Variants in FAF1 observed in about 807,000 individuals in gnomAD.
FAF1 encodes the protein Fas associated factor 1.
A neutral mutation model predicts 92.5 loss-of-function variants in FAF1; 25 were observed. That is an observed-to-expected ratio of 0.27 (90% confidence interval 0.20 to 0.38). The LOEUF (loss-of-function observed/expected upper bound fraction) is 0.38, where lower values mean the gene tolerates loss of function less well. FAF1 is among the 10% of genes least tolerant of loss of function. The pLI, the probability that FAF1 is intolerant of heterozygous loss-of-function variation, is 1.00. For synonymous variants in FAF1, 234 were observed against 273.2 expected, an observed-to-expected ratio of 0.86 and a Z score of 1.42; for missense variants, 636 against 793.3, an observed-to-expected ratio of 0.80 and a Z score of 2.38.
intron 7 of FAF1, among the ~76,000 whole-genome samples, chr1:50,660,150 AT>A: frequency 6.6e-6 from 1 of 152,286 alleles, no homozygotes; most frequent in East Asian, 1.9e-4. Flanking sequence ...CTTTTGATTC[AT>A]TTAAATTTTC....
intron 18 of FAF1, among the ~76,000 whole-genome samples, chr1:50,455,156 G>A (rs1449940489): frequency 1.3e-5 from 2 of 152,200 alleles, no homozygotes; most frequent in African/African-American, 2.4e-5. Context: ...TGTCAGTTCT[G>A]CTACACAGAT....
intron 7 of FAF1, among the ~76,000 whole-genome samples, chr1:50,663,227 G>T (rs1238960778): frequency 6.6e-6 from 1 of 151,462 alleles, no homozygotes; most frequent in Non-Finnish European, 1.5e-5. Context: ...GGTTCTTAAA[G>T]AGGGTGGCTG....
At chr1:50,732,984 T>C (rs1658992721) in intron 6 of FAF1, among the ~76,000 whole-genome samples, 1 of 152,190 alleles carries the variant, frequency 6.6e-6, no homozygotes, top group Non-Finnish European at 1.5e-5. Flanking sequence ...TCAGTATTTC[T>C]AGCCTTCTTC....
intron 17 of FAF1, among the ~76,000 whole-genome samples, chr1:50,487,060 T>TACATAACTTGCCATTGTCAC (rs1646777462): frequency 6.6e-6 from 1 of 152,216 alleles, no homozygotes; most frequent in Admixed American, 6.5e-5. Context: ...GGAGCTGTCA[T>TACATAACTTGCCATTGTCAC]ACATAACTTG....
intron 1 of FAF1, among the ~76,000 whole-genome samples, chr1:50,946,114 G>A (rs1192972247): frequency 6.6e-6 from 1 of 152,212 alleles, no homozygotes; most frequent in East Asian, 1.9e-4. Flanking sequence ...CATCTCTCAG[G>A]CAAAGCAAAA....
At chr1:50,600,998 T>C (rs868483750) in intron 8 of FAF1, among the ~76,000 whole-genome samples, 1 of 152,172 alleles carries the variant, frequency 6.6e-6, no homozygotes, top group Non-Finnish European at 1.5e-5. Context: ...TCTTTACAAG[T>C]GCAAAAGGAT....
rs144232598 is a variant in FAF1 at position 50,846,742 on chromosome 1, T to C, written c.114+11187A>G. The stretch of plus-strand genomic sequence containing the variant: ...AACGTAGATGTGATTAGACCGAATA[T>C]TGTCAAACACCCTCTGACCCAGGAA... On this transcript the variant is annotated intron_variant, in intron 2 of 18. Transcript: ENST00000396153. 1.6e-4 allele frequency: 110 copies of C among 689,954 alleles called. 1 individual carries two copies. In the East Asian group the frequency reaches 3.7e-3, roughly 23 times the overall value. 42.7% of individuals were successfully genotyped at this position (689,954 alleles called of 1,614,324 possible).
intron 7 of FAF1, among the ~76,000 whole-genome samples, chr1:50,678,004 A>G (rs1021834669): frequency 1.3e-5 from 2 of 151,912 alleles, no homozygotes; most frequent in Non-Finnish European, 2.9e-5. Flanking sequence ...TGAGATATGT[A>G]GGCTAGAGGC....
intron 1 of FAF1, among the ~76,000 whole-genome samples, chr1:50,877,837 G>A (rs1345395827): frequency 6.6e-6 from 1 of 152,134 alleles, no homozygotes; most frequent in African/African-American, 2.4e-5. Flanking sequence ...TCAGAGACAA[G>A]GAGCCAGAGG....
At chr1:50,713,086 G>A (rs769384057) in intron 6 of FAF1, among the ~76,000 whole-genome samples, 1 of 145,276 alleles carries the variant, frequency 6.9e-6, no homozygotes, top group South Asian at 2.2e-4. Flanking sequence ...CTTGAGGATA[G>A]AAGGGGGAGG....
intron 4 of FAF1, among the ~76,000 whole-genome samples, chr1:50,785,970 A>G (rs549489937): frequency 6.6e-6 from 1 of 151,726 alleles, no homozygotes; most frequent in Non-Finnish European, 1.5e-5. Flanking sequence ...CTTCTCTACA[A>G]AGAAAAAAAA....
intron 1 of FAF1, among the ~76,000 whole-genome samples, chr1:50,945,372 G>A (rs1260472052): frequency 1.3e-5 from 2 of 152,174 alleles, no homozygotes; most frequent in Non-Finnish European, 2.9e-5. Context: ...AAGGTCCAAT[G>A]TATTCAATCT....
rs180823416 is a variant in FAF1 at position 50,921,154 on chromosome 1, A to G, written c.45+38613T>C. On this transcript the variant is annotated intron_variant, in intron 1 of 18. Coordinates refer to ENST00000396153, the MANE Select transcript of FAF1 (RefSeq NM_007051.3). ...TTACCATATGAGGTACACACTGTCC[A>G]GGGGCCTTAGGTTGGCCCACCCTGC... 3.1e-4 allele frequency among the ~76,000 whole-genome samples: 47 copies of G among 152,336 alleles called. No homozygotes were observed. In the East Asian group the frequency reaches 8.9e-3, roughly 29 times the overall value.
intron 4 of FAF1, among the ~76,000 whole-genome samples, chr1:50,746,695 G>A (rs1041852428): frequency 1.2e-4 from 19 of 152,128 alleles, no homozygotes; most frequent in African/African-American, 3.9e-4. Context: ...ATTTTCAGGG[G>A]AGAAATTCAA....
chr1:50,752,603 A>T (rs186976729), intron 4 of FAF1, among the ~76,000 whole-genome samples: 2 of 151,686 alleles, frequency 1.3e-5, no homozygotes, highest in Admixed American at 1.3e-4. Context: ...CTACTTATCC[A>T]TTTTCCACTT....
chr1:50,539,012 C>T (rs1057415337), intron 14 of FAF1, among the ~76,000 whole-genome samples: 3 of 152,200 alleles, frequency 2.0e-5, no homozygotes, highest in Admixed American at 2.0e-4. Flanking sequence ...TAATATTTTA[C>T]ACCAACCCTT....
In FAF1 at chr1:50,841,459, A is replaced by G. The variant is rs182046857; in HGVS notation, c.114+16470T>C. Among the ~76,000 whole-genome samples the G allele has an allele frequency of 2.0e-5, 3 of 152,166 alleles. No individual in the cohort carries two copies. In the East Asian group the frequency reaches 5.8e-4, roughly 29 times the overall value. Reference sequence around the variant, plus strand: ...GTGACTTTCTCCTTTGTGTTTCCATATAGTTTTAAATTTTTCAATAATATC... The same window carrying G: ...GTGACTTTCTCCTTTGTGTTTCCATGTAGTTTTAAATTTTTCAATAATATC... On this transcript the variant is annotated intron_variant, in intron 2 of 18. Transcript: ENST00000396153.
At position 50,490,607 on chromosome 1, in the gene FAF1, T is replaced by C. The variant is rs1405422626; in HGVS notation, c.1634A>G (p.Glu545Gly). ...EQFRLEQIRK[E>G]QEEEREAIRL... ...CCCCACCTCACGTTCCTCTTCTTGT[T>C]CTTTGCGAATCTGCTCCAAACGAAA... is the stretch of plus-strand genomic sequence containing the variant. The change falls in exon 17 of 19, where the codon GAA becomes GGA. Residue 545 changes from glutamate (E) to glycine (G), a missense_variant. Glu to Gly is a moderately conservative substitution (Grantham distance 98, BLOSUM62 -2). This residue lies in a region of FAF1 where 319 missense variants were observed against 451.0 expected (regional missense o/e 0.71). Coordinates refer to ENST00000396153, the MANE Select transcript of FAF1 (RefSeq NM_007051.3). 1 of 1,612,394 alleles carries C rather than the reference T, an allele frequency of 6.2e-7. No individual in the cohort carries two copies. The highest frequency in any genetic ancestry group is 1.7e-5 in the Admixed American group (1 of 60,018).
At chr1:50,659,456 A>G (rs1569699882) in intron 7 of FAF1, among the ~76,000 whole-genome samples, 1 of 152,228 alleles carries the variant, frequency 6.6e-6, no homozygotes, top group Non-Finnish European at 1.5e-5. Context: ...GCTGGGGTGC[A>G]GTGGCTGGCA....
Sources: gnomAD v4.1 joint callset for allele counts (sites outside exome capture counted in the v4.1 genomes callset) on GRCh38, gnomAD v4.1.1 for gene constraint, gnomAD v4.1.1 regional missense constraint, MANE v1.5 for transcripts, NCBI Gene and HGNC (gene_info 2026-07-23, HGNC 2026-07-21) for gene names.